FOXN4: variants seen among roughly 807,000 people sequenced by gnomAD.
FOXN4 encodes forkhead box protein N4.
Under a neutral mutation model 45.0 loss-of-function variants are expected in FOXN4, and 12 were observed. The observed-to-expected ratio is 0.27, with a 90% CI of 0.17 to 0.43. The LOEUF is 0.43. Among genes scored for constraint, FOXN4 ranks in the 20% least tolerant of loss-of-function variants. The probability of loss-of-function intolerance (pLI) is 1.00; values close to 1 mark genes in which losing one functional copy is unlikely to be tolerated. For synonymous variants in FOXN4, 297 were observed against 295.0 expected (o/e 1.01, Z -0.07); for missense variants, 560 against 694.9 (o/e 0.81, Z 2.18).
At chr12:109,305,455 C>T (rs1054792640) in intron 2 of FOXN4, among the ~76,000 whole-genome samples, 64 of 152,230 alleles carry the variant, frequency 4.2e-4, no homozygotes, top group African/African-American at 1.3e-3. Context: ...CTGCTGGGCA[C>T]GGTGGCTCAC....
chr12:109,280,573 A>G (rs1343428482), intron 9 of FOXN4, among the ~76,000 whole-genome samples: 4 of 152,198 alleles, frequency 2.6e-5, no homozygotes, highest in African/African-American at 9.7e-5. Context: ...CCAGGGGGAC[A>G]AGACAATGTT....
chr12:109,280,010 G>A (rs1212610010), intron 9 of FOXN4, 80 bp from the exon 10 acceptor site: 4 of 1,575,976 alleles, frequency 2.5e-6, no homozygotes, highest in East Asian at 4.5e-5. Flanking sequence ...TAGGGAAGAG[G>A]CAGAGACCAT....
At chr12:109,295,110 C>A (rs2047804606) in intron 2 of FOXN4, among the ~76,000 whole-genome samples, 1 of 152,158 alleles carries the variant, frequency 6.6e-6, no homozygotes, top group African/African-American at 2.4e-5. Flanking sequence ...AGCCGCAATA[C>A]CTCATACCCC....
At chr12:109,302,173 G>T (rs1016903640) in intron 2 of FOXN4, among the ~76,000 whole-genome samples, 1 of 152,208 alleles carries the variant, frequency 6.6e-6, no homozygotes, top group African/African-American at 2.4e-5. Flanking sequence ...ACCCATAGCA[G>T]CCAGCTCTGA....
chr12:109,279,652 G>C lies in FOXN4; in HGVS notation c.*19C>G, dbSNP rs771725722. 5 of 1,565,990 alleles carry C rather than the reference G, an allele frequency of 3.2e-6. No homozygotes were observed. The African/African-American group carries it at 6.8e-5, about 21-fold the overall frequency. On this transcript the variant is annotated 3_prime_UTR_variant, in exon 10 of 10. Coordinates refer to ENST00000299162, the MANE Select transcript of FOXN4 (RefSeq NM_213596.3). ...CCCAAGCCGGGTGCCGGGGTTCCAG[G>C]GCAGGTGAGGCTGACAGCTCAAAGC...
At chr12:109,286,304 A>G (rs1463249571) in intron 7 of FOXN4, among the ~76,000 whole-genome samples, 1 of 152,194 alleles carries the variant, frequency 6.6e-6, no homozygotes, top group African/African-American at 2.4e-5. Context: ...TCCACCCCTG[A>G]CAGATGAGGA....
At position 109,287,016 on chromosome 12, in the gene FOXN4, GGCTATGA is replaced by G. The variant is rs1444767431; in HGVS notation, c.597-279_597-273del. On this transcript the variant is annotated intron_variant, in intron 6 of 9. Transcript: ENST00000299162. This position sits in a 1 kb window ranked among gnomAD's most constrained non-coding sequence, Gnocchi z 4.1. ...TTTATTGCATCCCCATAATTTTAAT[GGCTATGA>G]GCCTTCAGACTTTACCTAGGTTGTT... Among the ~76,000 whole-genome samples the G allele has an allele frequency of 6.6e-6, 1 of 152,102 alleles. No homozygotes were observed. The highest frequency in any genetic ancestry group is 1.9e-4 in the East Asian group (1 of 5,196).
chr12:109,298,788 T>C (rs568849566), intron 2 of FOXN4, among the ~76,000 whole-genome samples: 11 of 152,138 alleles, frequency 7.2e-5, no homozygotes, highest in Non-Finnish European at 1.3e-4. Context: ...CAGACCTCAA[T>C]TTCCCCAACT....
chr12:109,282,819 G>T (rs2047665895), intron 8 of FOXN4, among the ~76,000 whole-genome samples: 1 of 152,176 alleles, frequency 6.6e-6, no homozygotes, highest in African/African-American at 2.4e-5. Flanking sequence ...ATCTATTTGG[G>T]TTGTACCCAT....
At chr12:109,282,954 C>G (rs918917925) in intron 8 of FOXN4, among the ~76,000 whole-genome samples, 1 of 151,034 alleles carries the variant, frequency 6.6e-6, no homozygotes, top group African/African-American at 2.4e-5. Context: ...GGGGTGGGCG[C>G]GATGTCATAC....
At chr12:109,304,279 GAAAGAAAGAAAGA>G (rs2047898467) in intron 2 of FOXN4, among the ~76,000 whole-genome samples, 1 of 63,496 alleles carries the variant, frequency 1.6e-5, no homozygotes, top group South Asian at 4.1e-4. Context: ...AAGAAAGAAA[GAAAGAAAGAAAGA>G]AAGGAGAAAG....
At chr12:109,296,735 C>T (rs1220936818) in intron 2 of FOXN4, among the ~76,000 whole-genome samples, 2 of 152,114 alleles carry the variant, frequency 1.3e-5, no homozygotes, top group East Asian at 1.9e-4. Flanking sequence ...AGCACAGGGC[C>T]GGGCACACAA....
At position 109,308,298 on chromosome 12, in the gene FOXN4, G is replaced by C. The variant is rs2047938885; in HGVS notation, c.24C>G (p.Ser8=). The change falls in exon 2 of 10, where the codon TCC becomes TCG. Residue 8 remains serine, a synonymous_variant. Coordinates refer to ENST00000299162, the MANE Select transcript of FOXN4 (RefSeq NM_213596.3). ...AGTTTCGAATAATTCCTGACATTAT[G>C]GATGAGGTGTCACTTTCTATCATCT... MIESDTS[S]IMSGIIRNSG... 3 of 1,551,806 alleles carry C rather than the reference G, an allele frequency of 1.9e-6. No homozygotes were observed. Among genetic ancestry groups the C allele is most frequent in the Non-Finnish European group, 2.6e-6 (3 of 1,146,918 alleles).
rs1001129228 is a variant in FOXN4, at chr12:109,290,591, C to T, written c.87-305G>A. On this transcript the variant is annotated intron_variant, in intron 2 of 9. Transcript: ENST00000299162. This position sits in a 1 kb window ranked among gnomAD's most constrained non-coding sequence, Gnocchi z 5.1. Reference sequence around the variant, plus strand: ...TGACCAGTGCCAGACACCGATCAAGCCTTTTTACACTCCCAGTCACCCTAT... The same window carrying T: ...TGACCAGTGCCAGACACCGATCAAGTCTTTTTACACTCCCAGTCACCCTAT... Among the ~76,000 whole-genome samples the T allele has an allele frequency of 1.3e-5, 2 of 152,172 alleles. No homozygotes were observed. Among genetic ancestry groups the T allele is most frequent in the African/African-American group, 2.4e-5 (1 of 41,442 alleles).
intron 2 of FOXN4, among the ~76,000 whole-genome samples, chr12:109,301,934 C>T (rs1453956139): frequency 2.6e-5 from 4 of 152,140 alleles, no homozygotes; most frequent in African/African-American, 9.7e-5. Context: ...CCATTCATTT[C>T]CTGCCCAGCT....
Position 109,290,215 on chromosome 12 carries a change from T to G in FOXN4, c.158A>C (p.Asp53Ala). The G allele has an allele frequency of 6.4e-7, 1 of 1,551,216 alleles. No individual in the cohort carries two copies. The highest frequency in any genetic ancestry group is 1.7e-4 in the Middle Eastern group (1 of 5,992). ...TGCCATCTGCTGCAGCCGAGGCACA[T>G]CCACCGCCGTGAGCCACGACAGCGA... ...LQSLSWLTAV[D>A]VPRLQQMASG... Residue 53 changes from aspartate to alanine, a missense_variant, in exon 3 of 10, where the codon GAT (aspartate) becomes GCT (alanine). By Grantham distance (126) the Asp-to-Ala change is moderately radical. Coordinates refer to ENST00000299162, the MANE Select transcript of FOXN4 (RefSeq NM_213596.3). This position sits in a 1 kb window ranked among gnomAD's most constrained non-coding sequence, Gnocchi z 5.1.
Position 109,278,604 on chromosome 12 carries a change from T to C in FOXN4, c.*1067A>G, listed in dbSNP as rs1323902729. The C allele has an allele frequency of 1.3e-5, 2 of 152,192 alleles. No homozygotes were observed. The highest frequency in any genetic ancestry group is 4.8e-5 in the African/African-American group (2 of 41,442). 9.4% of individuals were successfully genotyped at this position (152,192 alleles called of 1,614,324 possible). On this transcript the variant is annotated 3_prime_UTR_variant, in exon 10 of 10. Coordinates refer to ENST00000299162, the MANE Select transcript of FOXN4 (RefSeq NM_213596.3). ...TGGTTCGAGCTTTACGTGGTTCAGT[T>C]GGCTTTCATTCCATCAGGGGTGTCT...
rs767612046 is a variant in FOXN4 at position 109,281,611 on chromosome 12, G to C, written c.1090C>G (p.Gln364Glu). 8.7e-6 allele frequency: 14 copies of C among 1,609,148 alleles called. No homozygotes were observed. Among genetic ancestry groups the C allele is most frequent in the Non-Finnish European group, 1.1e-5 (13 of 1,177,802 alleles). ...LSLQSVPLHH[Q>E]VQPQAHLAPD... The stretch of plus-strand genomic sequence containing the variant: ...GCAAGATGTGCCTGGGGCTGGACCT[G>C]GTGGTGCAGGGGGACTGACTGCAGG... Residue 364 changes from glutamine (Q) to glutamate (E), a missense_variant, in exon 9 of 10, where the codon CAG becomes GAG. Around this residue, in one of 5 missense-constraint regions of FOXN4, gnomAD observed 315 missense variants for 350.5 expected, o/e 0.90. Coordinates refer to ENST00000299162, the MANE Select transcript of FOXN4 (RefSeq NM_213596.3).
chr12:109,281,475 T>C lies in FOXN4; in HGVS notation c.1226A>G (p.Asn409Ser), dbSNP rs546864463. 3.5e-5 allele frequency: 57 copies of C among 1,614,020 alleles called. No homozygotes were observed. In the South Asian group the frequency reaches 5.3e-4, roughly 15 times the overall value. The change falls in exon 9 of 10, where the codon AAC becomes AGC. Residue 409 changes from asparagine to serine, a missense_variant. Physicochemically the swap from Asn to Ser is conservative, Grantham distance 46. Transcript: ENST00000299162. ...CTCAGTGTTCATGTCGGTGCTGATGTTGATGAAGTCTACAGGAGCCCTTCC... is the reference window on the plus strand; with the variant it reads ...CTCAGTGTTCATGTCGGTGCTGATGCTGATGAAGTCTACAGGAGCCCTTCC... ...AMGRAPVDFI[N>S]ISTDMNTEVD...
Sources: allele counts gnomAD v4.1 joint callset (sites outside exome capture counted in the v4.1 genomes callset), GRCh38; gene constraint gnomAD v4.1.1; regional missense constraint gnomAD v4.1.1; non-coding constraint Gnocchi (gnomAD v3.1); transcripts MANE v1.5; gene names NCBI Gene and HGNC (gene_info 2026-07-23, HGNC 2026-07-21).